COA5: variants seen among roughly 807,000 people sequenced by gnomAD.
COA5 encodes the protein cytochrome c oxidase assembly factor 5, also known as protein C2orf64.
COA5 carries 11 observed loss-of-function variants against 11.8 expected under a neutral mutation model. The ratio of observed to expected loss-of-function variants is 0.93; its 90% CI spans 0.59 to 1.54. The LOEUF is 1.54. COA5 is among the 40% of genes most tolerant of loss of function. COA5 has a pLI of 0.00. For missense variants in COA5, 87 were observed against 89.2 expected, an observed-to-expected ratio of 0.97 and a Z score of 0.10; for synonymous variants, 38 against 37.5, an observed-to-expected ratio of 1.01 and a Z score of -0.05.
At chr2:98,602,743 T>A (rs7585939) in intron 2 of COA5, 40,303 of 154,088 alleles carry the variant, frequency 0.26, 5,314 homozygotes, top group Middle Eastern at 0.33. Context: ...AATGGTAAGA[T>A]CATTTTACTT....
chr2:98,604,376 G>C, intron 1 of COA5, 185 bp from the exon 2 acceptor site: 1 of 582,596 alleles, frequency 1.7e-6, no homozygotes, highest in Non-Finnish European at 3.0e-6. Flanking sequence ...AAATTGTAAA[G>C]TAACTTGGGA....
In COA5 at chr2:98,608,447, C is replaced by G; in HGVS notation, c.-42G>C. ...CGATGCGGACGCGACTTTCTCCCACCGCAACACTTGCAACCGGGTCGGGAG... is the reference window on the plus strand; with the variant it reads ...CGATGCGGACGCGACTTTCTCCCACGGCAACACTTGCAACCGGGTCGGGAG... On this transcript the variant is annotated 5_prime_UTR_variant, in exon 1 of 3. Transcript: ENST00000328709. The G allele has an allele frequency of 6.9e-7, 1 of 1,452,232 alleles. No homozygotes were observed. The highest frequency in any genetic ancestry group is 9.4e-7 in the Non-Finnish European group (1 of 1,058,952). 90.0% of individuals were successfully genotyped at this position (1,452,232 alleles called of 1,614,324 possible).
chr2:98,608,357 G>C lies in COA5; in HGVS notation c.49C>G (p.Leu17Val), dbSNP rs561198025. The C allele has an allele frequency of 2.5e-6, 4 of 1,609,868 alleles. No individual in the cohort carries two copies. The highest frequency in any genetic ancestry group is 3.4e-6 in the Non-Finnish European group (4 of 1,178,938). ...AGACACGCGCCCAGGTCCTCCTTCAGGCCCGCGCACGCGCCGCCCTGCGGC... is the reference window on the plus strand; with the variant it reads ...AGACACGCGCCCAGGTCCTCCTTCACGCCCGCGCACGCGCCGCCCTGCGGC... ...DKPQGGACAG[L>V]KEDLGACLLQ... The change falls in exon 1 of 3, where the codon CTG becomes GTG. Residue 17 changes from leucine (L) to valine (V), a missense_variant. Coordinates refer to ENST00000328709, the MANE Select transcript of COA5 (RefSeq NM_001008215.3).
rs1700746236 is a variant in COA5 at position 98,608,492 on chromosome 2, A to G, written c.-87T>C. ...CGGGAGCGAGCGAGGCCCCAGTCTCAGGGGACCGGAAGCCAGCGGCAACAA... is the reference window on the plus strand; with the variant it reads ...CGGGAGCGAGCGAGGCCCCAGTCTCGGGGGACCGGAAGCCAGCGGCAACAA... On this transcript the variant is annotated 5_prime_UTR_variant, in exon 1 of 3. Transcript: ENST00000328709. The G allele has an allele frequency of 2.8e-6, 3 of 1,064,614 alleles. No individual in the cohort carries two copies. Among genetic ancestry groups the G allele is most frequent in the Admixed American group, 4.0e-5 (2 of 50,388 alleles). 65.9% of individuals were successfully genotyped at this position (1,064,614 alleles called of 1,614,324 possible).
At chr2:98,605,431 T>C (rs1430912815) in intron 1 of COA5, among the ~76,000 whole-genome samples, 3 of 152,194 alleles carry the variant, frequency 2.0e-5, no homozygotes, top group Non-Finnish European at 4.4e-5. Context: ...ACTTGCTATA[T>C]TTTCCTATTT....
At chr2:98,603,504 A>C (rs1700671671) in intron 2 of COA5, among the ~76,000 whole-genome samples, 1 of 152,144 alleles carries the variant, frequency 6.6e-6, no homozygotes, top group Non-Finnish European at 1.5e-5. Flanking sequence ...AAACAAAAAA[A>C]AAACATCCTC....
intron 2 of COA5, 111 bp downstream of exon 2, chr2:98,603,997 T>C: frequency 1.3e-6 from 1 of 775,320 alleles, no homozygotes; most frequent in Non-Finnish European, 2.2e-6. Context: ...CTATGTAATT[T>C]TTTCCAAACC....
chr2:98,604,061 TA>T (rs1208431538), intron 2 of COA5, 46 bp downstream of exon 2: 1 of 1,423,502 alleles, frequency 7.0e-7, no homozygotes, highest in South Asian at 1.1e-5. Flanking sequence ...TTAACCTCCC[TA>T]TAGCTAATTT....
chr2:98,608,273 G>C, intron 1 of COA5, 34 bp downstream of exon 1: 1 of 1,503,552 alleles, frequency 6.7e-7, no homozygotes, highest in South Asian at 1.2e-5. Flanking sequence ...CTGGGACAGG[G>C]GTCGTCACCA....
At chr2:98,602,647 T>TC (rs1700656731) in intron 2 of COA5, 1 of 123,576 alleles carries the variant, frequency 8.1e-6, no homozygotes, top group African/African-American at 3.2e-5. Context: ...AGACTCCATC[T>TC]CAAAAAAAAA....
At chr2:98,601,060 G>A (rs1386311459) in intron 2 of COA5, among the ~76,000 whole-genome samples, 2 of 151,910 alleles carry the variant, frequency 1.3e-5, no homozygotes, top group Non-Finnish European at 2.9e-5. Context: ...CCTGGCCAAC[G>A]TGGTGAAACC....
At position 98,600,675 on chromosome 2, in the gene COA5, T is replaced by C. The variant is rs1700629305; in HGVS notation, c.*77A>G. On this transcript the variant is annotated 3_prime_UTR_variant, in exon 3 of 3. Transcript: ENST00000328709. ...CCAAACAGATGTAGTAAAAAGTATG[T>C]TTCCTGTTTTGGCTTCTTTGTGTTA... 1 of 1,271,788 alleles carries C rather than the reference T, an allele frequency of 7.9e-7. No individual in the cohort carries two copies. The highest frequency in any genetic ancestry group is 1.1e-6 in the Non-Finnish European group (1 of 884,614). 78.8% of individuals were successfully genotyped at this position (1,271,788 alleles called of 1,614,324 possible).
intron 2 of COA5, among the ~76,000 whole-genome samples, chr2:98,603,497 CA>C (rs376778762): frequency 2.4e-4 from 36 of 146,998 alleles, no homozygotes; most frequent in African/African-American, 7.2e-4. Flanking sequence ...AAACAAAAAA[CA>C]AAAAAAAAAC....
Position 98,600,384 on chromosome 2 carries a change from A to G in COA5, c.*368T>C, listed in dbSNP as rs1700625453. On this transcript the variant is annotated 3_prime_UTR_variant, in exon 3 of 3. Transcript: ENST00000328709. The stretch of plus-strand genomic sequence containing the variant: ...AACAGACACCTTCTGGATAGGCTGC[A>G]TGTTATCGACTGTGTCAGTCAAATC... 3.8e-6 allele frequency: 1 copy of G among 261,456 alleles called. No homozygotes were observed. Among genetic ancestry groups the G allele is most frequent in the African/African-American group, 2.2e-5 (1 of 45,260 alleles). 16.2% of individuals were successfully genotyped at this position (261,456 alleles called of 1,614,324 possible).
At chr2:98,602,805 TAAAA>T (rs199805772) in intron 2 of COA5, among the ~76,000 whole-genome samples, 1 of 151,616 alleles carries the variant, frequency 6.6e-6, no homozygotes, top group Admixed American at 6.6e-5. Flanking sequence ...ATTGTAAAAA[TAAAA>T]AAAAATCTGA....
At chr2:98,604,062 A>G in intron 2 of COA5, 46 bp downstream of exon 2, 2 of 1,423,154 alleles carry the variant, frequency 1.4e-6, no homozygotes, top group Non-Finnish European at 2.0e-6. Context: ...TAACCTCCCT[A>G]TAGCTAATTT....
chr2:98,605,827 C>T (rs373365059), intron 1 of COA5: 72 of 152,340 alleles, frequency 4.7e-4, no homozygotes, highest in African/African-American at 1.6e-3. Context: ...CGAAGATACC[C>T]TATGATGAGT....
At chr2:98,607,392 T>C (rs1353699255) in intron 1 of COA5, among the ~76,000 whole-genome samples, 1 of 152,222 alleles carries the variant, frequency 6.6e-6, no homozygotes, top group Non-Finnish European at 1.5e-5. Flanking sequence ...CTCTTAAATT[T>C]ATAATAACTC....
intron 2 of COA5, 133 bp from the exon 3 acceptor site, chr2:98,600,926 G>C (rs1700634400): frequency 5.9e-6 from 4 of 673,770 alleles, no homozygotes; most frequent in African/African-American, 1.8e-5. Flanking sequence ...GATGACATCA[G>C]AACTACCAAG....
Sources: allele counts gnomAD v4.1 joint callset (sites outside exome capture counted in the v4.1 genomes callset), GRCh38; gene constraint gnomAD v4.1.1; transcripts MANE v1.5; gene names NCBI Gene and HGNC (gene_info 2026-07-23, HGNC 2026-07-21).